Variants in LRP5 observed in about 807,000 individuals in gnomAD.
The protein encoded by LRP5 is LDL receptor related protein 5, also known as low-density lipoprotein receptor-related protein 5.
A neutral mutation model predicts 154.1 loss-of-function variants in LRP5; 62 were observed. The ratio of observed to expected loss-of-function variants is 0.40; its 90% CI spans 0.33 to 0.50. The LOEUF (loss-of-function observed/expected upper bound fraction) is 0.50. Ranked by LOEUF, LRP5 falls within the 20% of genes least tolerant of loss-of-function variation. The pLI is 0.55. For missense variants in LRP5, 1,915 were observed against 2,336.7 expected, an observed-to-expected ratio of 0.82 and a Z score of 3.72; for synonymous variants, 966 against 1,011.5, an observed-to-expected ratio of 0.96 and a Z score of 0.85.
chr11:68,351,684 C>T (rs557876975), intron 2 of LRP5, among the ~76,000 whole-genome samples: 2 of 152,336 alleles, frequency 1.3e-5, no homozygotes, highest in African/African-American at 4.8e-5. Flanking sequence ...CTGCTCCCCA[C>T]GCAGCGGGTA....
At chr11:68,357,177 C>T (rs2098623817) in intron 2 of LRP5, among the ~76,000 whole-genome samples, 1 of 152,134 alleles carries the variant, frequency 6.6e-6, no homozygotes, top group Non-Finnish European at 1.5e-5. Context: ...CCTCGTGATC[C>T]ACCCGCCTTG....
intron 1 of LRP5, among the ~76,000 whole-genome samples, chr11:68,330,854 C>T (rs2098602361): frequency 6.6e-6 from 1 of 152,198 alleles, no homozygotes; most frequent in Non-Finnish European, 1.5e-5. Context: ...GCGGTCTGGG[C>T]CCAGGGAGGG....
At chr11:68,409,095 T>TAC (rs201493195) in intron 9 of LRP5, among the ~76,000 whole-genome samples, 18 of 27,724 alleles carry the variant, frequency 6.5e-4, no homozygotes, top group South Asian at 1.8e-3. Context: ...TATATATATA[T>TAC]ACACACACAT....
chr11:68,371,619 G>C (rs536344949), intron 5 of LRP5, among the ~76,000 whole-genome samples: 2 of 152,262 alleles, frequency 1.3e-5, no homozygotes, highest in Non-Finnish European at 2.9e-5. Context: ...TTGGTATTGC[G>C]GCCGTGCGCC....
At chr11:68,408,374 G>C (rs1466936639) in intron 9 of LRP5, among the ~76,000 whole-genome samples, 1 of 149,888 alleles carries the variant, frequency 6.7e-6, no homozygotes, top group African/African-American at 2.5e-5. Context: ...GAGCCACCAT[G>C]CCCAGCCTAT....
intron 10 of LRP5, among the ~76,000 whole-genome samples, 198 bp from the exon 11 acceptor site, chr11:68,411,238 G>A (rs1359449407): frequency 6.6e-6 from 1 of 152,228 alleles, no homozygotes; most frequent in Non-Finnish European, 1.5e-5. Context: ...CAGGGAGGTG[G>A]CGCAGTGACC....
At chr11:68,385,119 C>G (rs534982662) in intron 5 of LRP5, among the ~76,000 whole-genome samples, 1 of 152,330 alleles carries the variant, frequency 6.6e-6, no homozygotes, top group East Asian at 1.9e-4. Context: ...ATCCTGCCCT[C>G]AGCTAGAGAG....
At chr11:68,384,491 G>A (rs1290521303) in intron 5 of LRP5, among the ~76,000 whole-genome samples, 2 of 152,172 alleles carry the variant, frequency 1.3e-5, no homozygotes, top group African/African-American at 4.8e-5. Flanking sequence ...CTTGAGACCA[G>A]AAAGGTCTGG....
At chr11:68,379,475 G>A (rs1462366391) in intron 5 of LRP5, among the ~76,000 whole-genome samples, 1 of 152,174 alleles carries the variant, frequency 6.6e-6, no homozygotes, top group Non-Finnish European at 1.5e-5. Flanking sequence ...CCAGAAGCGG[G>A]AGATGCCCCC....
At chr11:68,371,411 G>T (rs780404796) in intron 5 of LRP5, among the ~76,000 whole-genome samples, 3 of 152,218 alleles carry the variant, frequency 2.0e-5, no homozygotes, top group African/African-American at 2.4e-5. Flanking sequence ...AGAATGGGGC[G>T]CGGGCTTCAG....
Position 68,411,524 on chromosome 11 carries a change from G to C in LRP5, c.2407G>C (p.Val803Leu). 2.5e-6 allele frequency: 4 copies of C among 1,613,794 alleles called. No homozygotes were observed. Among genetic ancestry groups the C allele is most frequent in the Non-Finnish European group, 3.4e-6 (4 of 1,180,036 alleles). The change falls in exon 11 of 23, where the codon GTG (valine) becomes CTG (leucine). Residue 803 changes from valine (V) to leucine (L), a missense_variant. Transcript: ENST00000294304. ...CAACTGCATGACGCTGGTGGACAAGGTGGGCCGGGCCAACGACCTCACCAT... is the reference window on the plus strand; with the variant it reads ...CAACTGCATGACGCTGGTGGACAAGCTGGGCCGGGCCAACGACCTCACCAT... ...GTNCMTLVDK[V>L]GRANDLTIDY...
intron 1 of LRP5, among the ~76,000 whole-genome samples, chr11:68,315,551 G>A (rs1230301551): frequency 2.6e-5 from 4 of 152,234 alleles, no homozygotes; most frequent in Non-Finnish European, 4.4e-5. Flanking sequence ...AATGGGAATA[G>A]AATCCTTCCT....
intron 8 of LRP5, among the ~76,000 whole-genome samples, chr11:68,406,120 A>G (rs1271862974): frequency 6.6e-6 from 1 of 152,204 alleles, no homozygotes; most frequent in Non-Finnish European, 1.5e-5. Flanking sequence ...GTGAGTTCGG[A>G]CAGGTGACTC....
Position 68,403,483 on chromosome 11 carries a change from G to T in LRP5, c.1585G>T (p.Val529Leu). 1.2e-6 allele frequency: 2 copies of T among 1,613,990 alleles called. No individual in the cohort carries two copies. Among genetic ancestry groups the T allele is most frequent in the Non-Finnish European group, 1.7e-6 (2 of 1,179,918 alleles). The change falls in exon 8 of 23, where the codon GTG becomes TTG. Residue 529 changes from valine (V) to leucine (L), a missense_variant and splice_region_variant. Coordinates refer to ENST00000294304, the MANE Select transcript of LRP5 (RefSeq NM_002335.4). ...WGDAKTDKIE[V>L]INVDGTKRRT... ...GACCTATATTTCTGCCGTCCTGCAG[G>T]TGATCAATGTTGATGGGACGAAGAG...
At chr11:68,443,438 C>T (rs1415211594) in intron 21 of LRP5, among the ~76,000 whole-genome samples, 3 of 134,476 alleles carry the variant, frequency 2.2e-5, no homozygotes, top group Non-Finnish European at 4.7e-5. Flanking sequence ...TGCAGTGAGC[C>T]GAGATCGCGC....
At chr11:68,399,941 G>A (rs2098651708) in intron 7 of LRP5, among the ~76,000 whole-genome samples, 1 of 152,254 alleles carries the variant, frequency 6.6e-6, no homozygotes, top group Non-Finnish European at 1.5e-5. Flanking sequence ...TCCACCGGGT[G>A]CCCTGGGATT....
intron 5 of LRP5, among the ~76,000 whole-genome samples, chr11:68,377,191 G>A (rs1425038430): frequency 1.3e-5 from 2 of 152,224 alleles, no homozygotes; most frequent in African/African-American, 2.4e-5. Flanking sequence ...GGGGGCCACA[G>A]GAGGGGCTGG....
chr11:68,306,791 T>C, the LRP5 span, among the ~76,000 whole-genome samples: 6 of 152,230 alleles, frequency 3.9e-5, no homozygotes, highest in African/African-American at 1.4e-4. Flanking sequence ...AGGGCATTCT[T>C]TCCCAGGAGG....
chr11:68,443,583 A>AT (rs1352836968), intron 21 of LRP5, among the ~76,000 whole-genome samples: 2 of 33,068 alleles, frequency 6.0e-5, no homozygotes, highest in Admixed American at 3.9e-4. Context: ...ATATATATAT[A>AT]TATTTTTTTT....
Sources: allele counts gnomAD v4.1 joint callset (sites outside exome capture counted in the v4.1 genomes callset), GRCh38; gene constraint gnomAD v4.1.1; transcripts MANE v1.5; gene names NCBI Gene and HGNC (gene_info 2026-07-23, HGNC 2026-07-21).